ASIC2: variants seen among roughly 807,000 people sequenced by gnomAD.
ASIC2 encodes acid sensing ion channel subunit 2.
A neutral mutation model predicts 57.3 loss-of-function variants in ASIC2; 25 were observed. That is an observed-to-expected ratio of 0.44 (90% CI 0.32 to 0.61). The LOEUF (loss-of-function observed/expected upper bound fraction) is 0.61. ASIC2 is among the 20% of genes least tolerant of loss of function. The pLI, the probability that ASIC2 is intolerant of heterozygous loss-of-function variation, is 0.06. For missense variants in ASIC2, 641 were observed against 738.1 expected (o/e 0.87, Z 1.52); for synonymous variants, 319 against 307.5 (o/e 1.04, Z -0.39).
chr17:33,938,680 G>T (rs73987301), intron 1 of ASIC2, among the ~76,000 whole-genome samples: 3 of 152,290 alleles, frequency 2.0e-5, no homozygotes, highest in African/African-American at 7.2e-5. Flanking sequence ...ATCCAGGAGG[G>T]CTACTGTGTA....
chr17:33,901,254 G>A (rs913663805), intron 1 of ASIC2, among the ~76,000 whole-genome samples: 4 of 152,098 alleles, frequency 2.6e-5, no homozygotes, highest in Non-Finnish European at 5.9e-5. Flanking sequence ...TAACTTCTGG[G>A]ATTGTAGTAG....
At chr17:33,673,897 C>CTTTTTTTTTTTT (rs574986885) in intron 1 of ASIC2, among the ~76,000 whole-genome samples, 8 of 141,152 alleles carry the variant, frequency 5.7e-5, no homozygotes, top group African/African-American at 1.9e-4. Context: ...GCATCCGTGT[C>CTTTTTTTTTTTT]TTTTTTTTTT....
chr17:33,217,356 G>A (rs1268523326), intron 1 of ASIC2, among the ~76,000 whole-genome samples: 1 of 152,182 alleles, frequency 6.6e-6, no homozygotes, highest in East Asian at 1.9e-4. Flanking sequence ...AAAGAGAATC[G>A]TGATATTGTG....
intron 1 of ASIC2, among the ~76,000 whole-genome samples, chr17:33,435,181 C>T (rs1046020824): frequency 2.0e-5 from 3 of 152,022 alleles, no homozygotes; most frequent in Admixed American, 1.3e-4. Flanking sequence ...CTGAAAAGGC[C>T]TAGAAATAAT....
intron 1 of ASIC2, among the ~76,000 whole-genome samples, chr17:33,273,213 A>G (rs1904575101): frequency 1.3e-5 from 2 of 152,218 alleles, no homozygotes; most frequent in Admixed American, 1.3e-4. Flanking sequence ...TACAAAATTA[A>G]AAGAGTAGAA....
At chr17:33,592,966 C>T (rs1904869578) in intron 1 of ASIC2, among the ~76,000 whole-genome samples, 1 of 152,200 alleles carries the variant, frequency 6.6e-6, no homozygotes, top group South Asian at 2.1e-4. Flanking sequence ...CTTACAGACC[C>T]CTAGAGATTC....
At chr17:33,295,705 A>T (rs1274024097), upstream of ASIC2, among the ~76,000 whole-genome samples, 1 of 152,210 alleles carries the variant, frequency 6.6e-6, no homozygotes, top group Non-Finnish European at 1.5e-5. Context: ...TAGCACGTTG[A>T]TGAAACACTG....
chr17:33,065,988 G>A (rs1460332883), intron 3 of ASIC2, among the ~76,000 whole-genome samples: 2 of 152,064 alleles, frequency 1.3e-5, no homozygotes, highest in South Asian at 4.1e-4. Flanking sequence ...ATGTTAAGGC[G>A]ACACATCAAG....
intron 1 of ASIC2, among the ~76,000 whole-genome samples, chr17:33,819,374 A>T (rs1252087290): frequency 6.6e-6 from 1 of 152,198 alleles, no homozygotes; most frequent in Non-Finnish European, 1.5e-5. Context: ...AGCTGTACAG[A>T]TACTTGGTGC....
chr17:33,937,335 G>A (rs1916089564), intron 1 of ASIC2, among the ~76,000 whole-genome samples: 2 of 152,104 alleles, frequency 1.3e-5, no homozygotes, highest in African/African-American at 4.8e-5. Flanking sequence ...CTGACCTCAC[G>A]TGATCTGCCC....
At chr17:33,811,376 C>T (rs1046540357) in intron 1 of ASIC2, among the ~76,000 whole-genome samples, 25 of 152,246 alleles carry the variant, frequency 1.6e-4, no homozygotes, top group African/African-American at 5.8e-4. Context: ...GAACAAACAA[C>T]TCGTCTTAGA....
At chr17:33,092,398 C>A (rs1279608607) in intron 2 of ASIC2, among the ~76,000 whole-genome samples, 1 of 152,230 alleles carries the variant, frequency 6.6e-6, no homozygotes, top group African/African-American at 2.4e-5. Context: ...GCTGAAGTAA[C>A]AAATGTAGAC....
At chr17:33,275,404 A>G (rs1904664293) in intron 1 of ASIC2, among the ~76,000 whole-genome samples, 1 of 152,232 alleles carries the variant, frequency 6.6e-6, no homozygotes, top group African/African-American at 2.4e-5. Flanking sequence ...TTGTCTGGCC[A>G]TAGCAGATCC....
chr17:33,119,524 A>T (rs2092293484), intron 1 of ASIC2, among the ~76,000 whole-genome samples: 1 of 152,212 alleles, frequency 6.6e-6, no homozygotes, highest in Non-Finnish European at 1.5e-5. Flanking sequence ...CTGAAGTTGC[A>T]ATTAAGGAGC....
chr17:33,142,824 A>G (rs1161024399), intron 1 of ASIC2, among the ~76,000 whole-genome samples: 3 of 152,316 alleles, frequency 2.0e-5, no homozygotes, highest in East Asian at 1.9e-4. Flanking sequence ...CAATGTTTCT[A>G]GATGTGGTGA....
At chr17:34,096,856 CAAAAAAAAAA>C (rs71286247) in intron 1 of ASIC2, among the ~76,000 whole-genome samples, 48 of 30,118 alleles carry the variant, frequency 1.6e-3, no homozygotes, top group African/African-American at 6.9e-3. Context: ...GACTCCATCT[CAAAAAAAAAA>C]AAAAAAAAAA....
intron 1 of ASIC2, among the ~76,000 whole-genome samples, chr17:33,301,352 A>T (rs2142194597): frequency 6.6e-6 from 1 of 152,252 alleles, no homozygotes; most frequent in South Asian, 2.1e-4. Context: ...GACTTAACTC[A>T]TGTTATCTTC....
chr17:33,275,173 C>A (rs946251261), intron 1 of ASIC2, among the ~76,000 whole-genome samples: 2 of 152,124 alleles, frequency 1.3e-5, no homozygotes, highest in East Asian at 1.9e-4. Context: ...GGCACTCCTG[C>A]GAGCCAAAGT....
At chr17:33,354,838 T>C (rs1160173093) in intron 1 of ASIC2, among the ~76,000 whole-genome samples, 2 of 152,152 alleles carry the variant, frequency 1.3e-5, no homozygotes, top group East Asian at 1.9e-4. Context: ...TGTCCTTTTA[T>C]TTACCATTGC....
Sources: allele counts gnomAD v4.1 joint callset (sites outside exome capture counted in the v4.1 genomes callset), GRCh38; gene constraint gnomAD v4.1.1; transcripts MANE v1.5; gene names NCBI Gene and HGNC (gene_info 2026-07-23, HGNC 2026-07-21).